DNAH11: variants seen among roughly 807,000 people sequenced by gnomAD.
DNAH11 encodes the protein dynein axonemal heavy chain 11, also known as axonemal beta dynein heavy chain 11.
A neutral mutation model predicts 526.0 loss-of-function variants in DNAH11; 442 were observed. The ratio of observed to expected loss-of-function variants is 0.84; its 90% CI spans 0.78 to 0.91. The LOEUF (loss-of-function observed/expected upper bound fraction) is 0.91. DNAH11 is among the 40% of genes least tolerant of loss of function. DNAH11 has a pLI of 0.00. For missense variants in DNAH11, 6,989 were observed against 5,448.7 expected (o/e 1.28, Z -8.90); for synonymous variants, 2,461 against 1,935.9 (o/e 1.27, Z -7.12).
intron 20 of DNAH11, among the ~76,000 whole-genome samples, chr7:21,608,837 AGAC>A (rs1342360526): frequency 0.022 from 8 of 368 alleles, no homozygotes; most frequent in Non-Finnish European, 0.035. Flanking sequence ...TAAAAGTCAG[AGAC>A]TGTACGCTTA....
intron 67 of DNAH11, among the ~76,000 whole-genome samples, 175 bp downstream of exon 67, chr7:21,852,806 T>A (rs1782693317): frequency 1.3e-5 from 2 of 152,186 alleles, no homozygotes; most frequent in Non-Finnish European, 2.9e-5. Context: ...ATGGAGATGG[T>A]TGAATGTGTG....
chr7:21,610,325 T>G (rs1785470008), intron 20 of DNAH11, among the ~76,000 whole-genome samples: 1 of 152,192 alleles, frequency 6.6e-6, no homozygotes, highest in East Asian at 1.9e-4. Context: ...CACAAGGGTC[T>G]ATGGTCCGGT....
At chr7:21,577,540 C>T (rs1170067486) in intron 8 of DNAH11, among the ~76,000 whole-genome samples, 2 of 152,132 alleles carry the variant, frequency 1.3e-5, no homozygotes, top group African/African-American at 2.4e-5. Context: ...AGACTATCAC[C>T]CTGAGGCCAA....
chr7:21,858,065 T>C (rs892305375), intron 68 of DNAH11, among the ~76,000 whole-genome samples: 1 of 152,168 alleles, frequency 6.6e-6, no homozygotes, highest in Non-Finnish European at 1.5e-5. Flanking sequence ...AAAGAACTTG[T>C]ACAACTCAGT....
intron 2 of DNAH11, among the ~76,000 whole-genome samples, chr7:21,548,762 T>A (rs771702804): frequency 6.6e-6 from 1 of 152,198 alleles, no homozygotes; most frequent in African/African-American, 2.4e-5. Flanking sequence ...AGTTCTCCTA[T>A]GGGCTTATTG....
Position 21,683,837 on chromosome 7 carries a change from G to A in DNAH11, c.5514G>A (p.Glu1838=). The A allele has an allele frequency of 1.9e-6, 3 of 1,613,108 alleles. No individual in the cohort carries two copies. Among genetic ancestry groups the A allele is most frequent in the Non-Finnish European group, 2.5e-6 (3 of 1,179,456 alleles). The change falls in exon 32 of 82, where the codon GAG becomes GAA. Residue 1838 remains glutamate (E), a synonymous_variant. Coordinates refer to ENST00000409508, the MANE Select transcript of DNAH11 (RefSeq NM_001277115.2). ...TWLSQLRHRW[E]DTQKHCFVNI... is the part of the protein sequence containing the mutation. ...TGTCTCAACTTCGTCACCGATGGGAGGATACCCAGAAACACTGCTTTGTTA... is the reference window on the plus strand; with the variant it reads ...TGTCTCAACTTCGTCACCGATGGGAAGATACCCAGAAACACTGCTTTGTTA...
chr7:21,635,960 C>T lies in DNAH11; in HGVS notation c.4590C>T (p.Asp1530=). 3 of 1,613,560 alleles carry T rather than the reference C, an allele frequency of 1.9e-6. No individual in the cohort carries two copies. The highest frequency in any genetic ancestry group is 2.5e-6 in the Non-Finnish European group (3 of 1,179,706). Residue 1530 remains aspartate, a synonymous_variant, in exon 26 of 82, where the codon GAC becomes GAT. Transcript: ENST00000409508. ...GGCAAAATAAATTAAACATAGCAGA[C>T]TTGGTCATCTTCACTTGGATGGAAG... ...LSWQNKLNIA[D]LVIFTWMEVQ... is the part of the protein sequence containing the mutation.
intron 74 of DNAH11, among the ~76,000 whole-genome samples, chr7:21,875,543 A>G (rs1353332243): frequency 6.6e-6 from 1 of 152,092 alleles, no homozygotes; most frequent in Non-Finnish European, 1.5e-5. Context: ...CATGCCTACA[A>G]TCCCAGCACT....
chr7:21,547,224 C>T (rs2128426209), intron 2 of DNAH11, among the ~76,000 whole-genome samples: 1 of 152,250 alleles, frequency 6.6e-6, no homozygotes, highest in Non-Finnish European at 1.5e-5. Flanking sequence ...AATTGCTTTC[C>T]AGAGCATGTG....
Position 21,899,971 on chromosome 7 carries a change from T to C in DNAH11, c.13163-9T>C. ...TTTATCCTATTCAATTTTTGTTATA[T>C]TTCCAAAGCAATCATGCAGACGATG... On this transcript the variant is annotated splice_polypyrimidine_tract_variant and intron_variant, in intron 80 of 81. Transcript: ENST00000409508. The C allele has an allele frequency of 6.2e-7, 1 of 1,613,414 alleles. No individual in the cohort carries two copies. Among genetic ancestry groups the C allele is most frequent in the Non-Finnish European group, 8.5e-7 (1 of 1,179,698 alleles).
chr7:21,807,997 AGTATCGCC>A lies in DNAH11; in HGVS notation c.10281_10288del (p.Tyr3428GlyfsTer32). 6.3e-7 allele frequency: 1 copy of A among 1,589,354 alleles called. No individual in the cohort carries two copies. Among genetic ancestry groups the A allele is most frequent in the South Asian group, 1.1e-5 (1 of 87,280 alleles). On this transcript the variant is annotated frameshift_variant, in exon 63 of 82. Transcript: ENST00000409508. LOFTEE classifies it high-confidence loss of function. ...TCTTACGTCGGACCCTTCACAAGGC[AGTATCGCC>A]AGGAGCTGGTGCACTGCAAGTGGGT...
At position 21,830,550 on chromosome 7, in the gene DNAH11, C is replaced by G. The variant is rs1246162156; in HGVS notation, c.10692-11994C>G. Among the ~76,000 whole-genome samples the G allele has an allele frequency of 2.0e-5, 3 of 152,246 alleles. No individual in the cohort carries two copies. The East Asian group carries it at 5.8e-4, about 29-fold the overall frequency. The stretch of plus-strand genomic sequence containing the variant: ...GGCTGACATTATAGGCTGCCACTGT[C>G]AGAGCAAATTAACCTGCAATGTTAT... On this transcript the variant is annotated intron_variant, in intron 65 of 81. Transcript: ENST00000409508.
rs780021302 is a variant in DNAH11 at position 21,720,744 on chromosome 7, A to C, written c.7154A>C (p.Glu2385Ala). 1 of 1,581,660 alleles carries C rather than the reference A, an allele frequency of 6.3e-7. No homozygotes were observed. The highest frequency in any genetic ancestry group is 1.2e-5 in the South Asian group (1 of 86,678). The change falls in exon 44 of 82, where the codon GAG becomes GCG. Residue 2385 changes from glutamate to alanine, a missense_variant. Physicochemically the swap from Glu to Ala is moderately radical, Grantham distance 107. Coordinates refer to ENST00000409508, the MANE Select transcript of DNAH11 (RefSeq NM_001277115.2). ...CTTTAGACTCTATGTGTTCTTTTGG[A>C]GTGCTTGCTGACTCCTGAAAATGTA... is the stretch of plus-strand genomic sequence containing the variant. ...SLVQTLCVLL[E>A]CLLTPENVPS...
At chr7:21,746,896 C>T (rs776844613) in intron 51 of DNAH11, among the ~76,000 whole-genome samples, 3 of 152,026 alleles carry the variant, frequency 2.0e-5, no homozygotes, top group South Asian at 2.1e-4. Context: ...TGTGTATGGG[C>T]GTCCTGGCTG....
chr7:21,739,806 A>G, intron 48 of DNAH11, 133 bp downstream of exon 48: 2 of 634,728 alleles, frequency 3.2e-6, no homozygotes, highest in Non-Finnish European at 5.3e-6. Flanking sequence ...TATTCCCACT[A>G]ACAACAGACA....
chr7:21,854,574 G>C, intron 68 of DNAH11, 119 bp downstream of exon 68: 6 of 1,108,552 alleles, frequency 5.4e-6, no homozygotes, highest in Non-Finnish European at 7.4e-6. Context: ...TATTGAGACA[G>C]AGTCTCACTC....
intron 56 of DNAH11, among the ~76,000 whole-genome samples, chr7:21,775,326 G>A (rs1288123455): frequency 3.3e-5 from 5 of 152,014 alleles, no homozygotes; most frequent in African/African-American, 4.8e-5. Flanking sequence ...CTCAAAGAAC[G>A]TCTGTCTAGG....
rs372603233 is a variant in DNAH11, at chr7:21,884,310, G to C, written c.12407G>C (p.Arg4136Pro). 6.2e-7 allele frequency: 1 copy of C among 1,609,590 alleles called. No individual in the cohort carries two copies. Among genetic ancestry groups the C allele is most frequent in the Non-Finnish European group, 8.5e-7 (1 of 1,177,950 alleles). The change falls in exon 76 of 82, where the codon CGT becomes CCT. Residue 4136 changes from arginine to proline, a missense_variant. Transcript: ENST00000409508. ...CCACAGGTCCCATGGGAAGATCTCC[G>C]TTATCTCTTTGGTGAGATCATGTAT... ...ANSKVPWEDL[R>P]YLFGEIMYGG... is the part of the protein sequence containing the mutation.
intron 60 of DNAH11, among the ~76,000 whole-genome samples, chr7:21,787,955 T>C (rs995867010): frequency 1.3e-5 from 2 of 152,214 alleles, no homozygotes; most frequent in Non-Finnish European, 2.9e-5. Context: ...AAAGCAAATA[T>C]TCACACCATC....
Sources: gnomAD v4.1 joint callset for allele counts (sites outside exome capture counted in the v4.1 genomes callset) on GRCh38, gnomAD v4.1.1 for gene constraint, MANE v1.5 for transcripts, NCBI Gene and HGNC (gene_info 2026-07-23, HGNC 2026-07-21) for gene names.